The following NMT1 variants were observed in gnomAD, a reference collection of about 807,000 sequenced individuals.
NMT1 encodes the protein N-myristoyltransferase 1.
A neutral mutation model predicts 63.4 loss-of-function variants in NMT1; 12 were observed. The observed-to-expected ratio is 0.19, with a 90% CI of 0.12 to 0.31. NMT1 has a LOEUF of 0.31. Among genes scored for constraint, NMT1 ranks in the 10% least tolerant of loss-of-function variants. The probability of loss-of-function intolerance (pLI) is 1.00; values close to 1 mark genes in which losing one functional copy is unlikely to be tolerated. For synonymous variants in NMT1, 228 were observed against 234.3 expected, an observed-to-expected ratio of 0.97 and a Z score of 0.25; for missense variants, 432 against 634.6, an observed-to-expected ratio of 0.68 and a Z score of 3.43.
At chr17:45,100,247 C>T (rs2054152687) in intron 8 of NMT1, among the ~76,000 whole-genome samples, 1 of 152,090 alleles carries the variant, frequency 6.6e-6, no homozygotes, top group Non-Finnish European at 1.5e-5. Flanking sequence ...TGCCGCCATG[C>T]CCGGCCAATT....
At chr17:45,102,793 CG>C (rs989577921) in intron 8 of NMT1, among the ~76,000 whole-genome samples, 157 bp from the exon 9 acceptor site, 2 of 152,146 alleles carry the variant, frequency 1.3e-5, no homozygotes, top group Admixed American at 6.5e-5. Context: ...CCAGAAGATA[CG>C]GAAGAGGCAG....
rs1385438568 is a variant in NMT1 at position 45,104,311 on chromosome 17, A to G, written c.1332+435A>G. The G allele has an allele frequency of 8.5e-7, 1 of 1,171,616 alleles. No individual in the cohort carries two copies. Among genetic ancestry groups the G allele is most frequent in the African/African-American group, 1.6e-5 (1 of 62,440 alleles). The allele number at this position is 1,171,616 out of a possible 1,614,324, so 72.6% of individuals were successfully genotyped here. On this transcript the variant is annotated intron_variant, in intron 10 of 11. Transcript: ENST00000258960. The surrounding 1 kb of genome is among the most constrained non-coding windows in gnomAD (Gnocchi z 4.2). The stretch of plus-strand genomic sequence containing the variant: ...CTGTGGGTTCTGGTAACCTGTGCCC[A>G]GCCCAGCCCAGCCTGCTGTAGGCAA...
chr17:45,097,268 C>T (rs750726359), intron 6 of NMT1, 24 bp downstream of exon 6: 2 of 1,490,556 alleles, frequency 1.3e-6, no homozygotes, highest in Non-Finnish European at 1.9e-6. Context: ...CCTACCCCCA[C>T]CCCCCACAAC....
chr17:45,100,899 A>C (rs747749365), intron 8 of NMT1, among the ~76,000 whole-genome samples: 7 of 130,722 alleles, frequency 5.4e-5, no homozygotes, highest in Non-Finnish European at 1.1e-4. Flanking sequence ...AAAAAAAAGA[A>C]GGCCAGGCGC....
At position 45,103,677 on chromosome 17, in the gene NMT1, T is replaced by C; in HGVS notation, c.1165-32T>C. On this transcript the variant is annotated intron_variant, in intron 9 of 11. Coordinates refer to ENST00000258960, the MANE Select transcript of NMT1 (RefSeq NM_021079.5). This position sits in a 1 kb window ranked among gnomAD's most constrained non-coding sequence, Gnocchi z 4.8. Reference sequence around the variant, plus strand: ...CGGGCCGCAGTGCCACTGTGCATGCTTGACATTGCCTCTTTATTGCCTTCC... The same window carrying C: ...CGGGCCGCAGTGCCACTGTGCATGCCTGACATTGCCTCTTTATTGCCTTCC... The C allele has an allele frequency of 1.3e-6, 2 of 1,594,914 alleles. No homozygotes were observed. Among genetic ancestry groups the C allele is most frequent in the Non-Finnish European group, 1.7e-6 (2 of 1,169,848 alleles).
intron 1 of NMT1, among the ~76,000 whole-genome samples, chr17:45,071,696 G>C (rs913886933): frequency 2.6e-5 from 4 of 152,162 alleles, no homozygotes; most frequent in African/African-American, 4.8e-5. Flanking sequence ...ATTAGAAGTA[G>C]TTACATTAGA....
chr17:45,090,111 C>T (rs983347471), intron 3 of NMT1, among the ~76,000 whole-genome samples: 4 of 151,938 alleles, frequency 2.6e-5, no homozygotes, highest in African/African-American at 4.8e-5. Context: ...GGAAAGACCT[C>T]GTCTCTACAA....
chr17:45,095,062 C>T (rs1448859539), intron 4 of NMT1, among the ~76,000 whole-genome samples: 28 of 148,080 alleles, frequency 1.9e-4, no homozygotes, highest in Non-Finnish European at 3.7e-4. Flanking sequence ...CCACCCATCT[C>T]GGCCTCCCAA....
chr17:45,061,512 C>G (rs866437906), intron 1 of NMT1, 52 bp downstream of exon 1: 1 of 1,555,678 alleles, frequency 6.4e-7, no homozygotes, highest in Non-Finnish European at 8.8e-7. Flanking sequence ...CAACCTGGGT[C>G]TCTGGGGTGC....
intron 1 of NMT1, among the ~76,000 whole-genome samples, chr17:45,067,943 C>T (rs2053913406): frequency 6.6e-6 from 1 of 152,166 alleles, no homozygotes; most frequent in South Asian, 2.1e-4. Context: ...GCTAAAATTC[C>T]CCAGCTTTAC....
chr17:45,067,850 A>G (rs2143451850), intron 1 of NMT1, among the ~76,000 whole-genome samples: 1 of 152,364 alleles, frequency 6.6e-6, no homozygotes, highest in South Asian at 2.1e-4. Flanking sequence ...AATGGAAAGT[A>G]AATGAGAGCC....
At chr17:45,098,342 C>T (rs2054139590) in intron 6 of NMT1, 40 bp from the exon 7 acceptor site, 1 of 1,594,544 alleles carries the variant, frequency 6.3e-7, no homozygotes, top group African/African-American at 1.3e-5. Flanking sequence ...ATTCCCTTCC[C>T]TGTTAAAAAC....
intron 8 of NMT1, among the ~76,000 whole-genome samples, chr17:45,100,893 A>G (rs1473376518): frequency 8.3e-6 from 1 of 120,178 alleles, no homozygotes; most frequent in East Asian, 2.3e-4. Context: ...AAAAAAAAAA[A>G]AAAGAAGGCC....
chr17:45,072,121 G>A (rs1047983449), intron 1 of NMT1, among the ~76,000 whole-genome samples: 7 of 152,062 alleles, frequency 4.6e-5, no homozygotes, highest in Admixed American at 1.3e-4. Context: ...GTATGGTGGC[G>A]TACGCCTGTA....
At chr17:45,092,134 C>T (rs1598014411) in intron 3 of NMT1, among the ~76,000 whole-genome samples, 1 of 152,324 alleles carries the variant, frequency 6.6e-6, no homozygotes, top group Middle Eastern at 3.4e-3. Flanking sequence ...TGTGTCCCTG[C>T]ACTTTCCAGA....
chr17:45,104,613 C>T lies in NMT1; in HGVS notation c.1333-246C>T. 1 of 1,306,342 alleles carries T rather than the reference C, an allele frequency of 7.7e-7. No homozygotes were observed. 80.9% of individuals were successfully genotyped at this position (1,306,342 alleles called of 1,614,324 possible). On this transcript the variant is annotated intron_variant, in intron 10 of 11. Coordinates refer to ENST00000258960, the MANE Select transcript of NMT1 (RefSeq NM_021079.5). This position sits in a 1 kb window ranked among gnomAD's most constrained non-coding sequence, Gnocchi z 4.2. ...AACCAGGAATAGCAAGAGCCCCGGC[C>T]TGGACACTGAGTACATATGTGTACA...
rs1046933059 is a variant in NMT1, at chr17:45,103,242, G to A, written c.1164+121G>A. The A allele has an allele frequency of 8.2e-6, 8 of 970,494 alleles. No individual in the cohort carries two copies. The Admixed American group carries it at 9.3e-5, about 11-fold the overall frequency. 60.1% of individuals were successfully genotyped at this position (970,494 alleles called of 1,614,324 possible). A position where few individuals can be genotyped will look rare whatever the true frequency, so the allele number is the denominator to read the frequency against. On this transcript the variant is annotated intron_variant, in intron 9 of 11. Transcript: ENST00000258960. This position sits in a 1 kb window ranked among gnomAD's most constrained non-coding sequence, Gnocchi z 4.8. ...AGACTTCCTTGACCATCCGTGTTTG[G>A]TCCTCCCTAAAAACAGGGAGTTGGT...
Position 45,105,068 on chromosome 17 carries a change from T to G in NMT1, c.1470+72T>G. ...CATGTCTCCAGCAGAAACCGGGCCA[T>G]GGGTTGAGGAGACAGCCGCAGTCTG... On this transcript the variant is annotated intron_variant, in intron 11 of 11. Transcript: ENST00000258960. This position sits in a 1 kb window ranked among gnomAD's most constrained non-coding sequence, Gnocchi z 4.2. 2 of 1,595,346 alleles carry G rather than the reference T, an allele frequency of 1.3e-6. No homozygotes were observed. The highest frequency in any genetic ancestry group is 2.7e-5 in the African/African-American group (2 of 74,500).
intron 2 of NMT1, among the ~76,000 whole-genome samples, chr17:45,086,086 T>G (rs1356760049): frequency 6.6e-6 from 1 of 150,826 alleles, no homozygotes; most frequent in East Asian, 1.9e-4. Context: ...CCTCCCAAAG[T>G]GCTGGGATTA....
Sources: gnomAD v4.1 joint callset for allele counts (sites outside exome capture counted in the v4.1 genomes callset) on GRCh38, gnomAD v4.1.1 for gene constraint, Gnocchi (gnomAD v3.1) non-coding constraint, MANE v1.5 for transcripts, NCBI Gene and HGNC (gene_info 2026-07-23, HGNC 2026-07-21) for gene names.